Variants in GOLGA1 observed in about 807,000 individuals in gnomAD.
GOLGA1 encodes the protein golgin A1, also known as golgin subfamily A member 1.
A neutral mutation model predicts 119.7 loss-of-function variants in GOLGA1; 63 were observed. The ratio of observed to expected loss-of-function variants is 0.53; its 90% CI spans 0.43 to 0.65. The LOEUF (loss-of-function observed/expected upper bound fraction) is 0.65. GOLGA1 is among the 30% of genes least tolerant of loss of function. The pLI, the probability that GOLGA1 is intolerant of heterozygous loss-of-function variation, is 0.00. For synonymous variants in GOLGA1, 318 were observed against 333.4 expected, an observed-to-expected ratio of 0.95 and a Z score of 0.50; for missense variants, 798 against 912.8, an observed-to-expected ratio of 0.87 and a Z score of 1.62.
rs1341842277 is a variant in GOLGA1, at chr9:124,882,533, G to T, written c.1942C>A (p.Arg648=). 1 of 1,612,632 alleles carries T rather than the reference G, an allele frequency of 6.2e-7. No individual in the cohort carries two copies. Among genetic ancestry groups the T allele is most frequent in the Non-Finnish European group, 8.5e-7 (1 of 1,179,656 alleles). ...KQMQQRMLEL[R]KTLQKELKIR... ...ACCAGCTCCTTCTGCAGAGTCTTCC[G>T]GAGCTCCAGCATCCGCTGCTGCATC... The change falls in exon 20 of 23, where the codon CGG becomes AGG. Residue 648 remains arginine, a synonymous_variant. Transcript: ENST00000373555.
At chr9:124,894,800 C>T (rs1470935900) in intron 15 of GOLGA1, among the ~76,000 whole-genome samples, 1 of 152,174 alleles carries the variant, frequency 6.6e-6, no homozygotes, top group Non-Finnish European at 1.5e-5. Context: ...GGGGCTGCTA[C>T]TGACATCTAG....
At chr9:124,916,766 T>C (rs1446658924) in intron 10 of GOLGA1, among the ~76,000 whole-genome samples, 1 of 149,256 alleles carries the variant, frequency 6.7e-6, no homozygotes, top group Non-Finnish European at 1.5e-5. Context: ...GTCCCAGATA[T>C]ATGGGAGGCT....
chr9:124,933,260 G>C (rs1180583161), intron 3 of GOLGA1, among the ~76,000 whole-genome samples: 1 of 152,092 alleles, frequency 6.6e-6, no homozygotes, highest in Non-Finnish European at 1.5e-5. Flanking sequence ...TCCTTAGAAA[G>C]GCCTGCTTTT....
chr9:124,897,120 T>C (rs584279), intron 15 of GOLGA1, among the ~76,000 whole-genome samples: 149,635 of 152,280 alleles, frequency 0.98, 73,570 homozygotes, highest in East Asian at 1. Context: ...CTAGAATATT[T>C]CTCCTCAAAT....
At chr9:124,884,340 A>G (rs1219398478) in intron 19 of GOLGA1, among the ~76,000 whole-genome samples, 2 of 152,206 alleles carry the variant, frequency 1.3e-5, no homozygotes, top group African/African-American at 4.8e-5. Context: ...AAAGTCTCTG[A>G]ATGGTAATAT....
intron 12 of GOLGA1, among the ~76,000 whole-genome samples, chr9:124,901,950 G>C (rs967787791): frequency 3.3e-5 from 5 of 152,218 alleles, no homozygotes; most frequent in African/African-American, 1.2e-4. Flanking sequence ...AGTGCCGTGA[G>C]TGGGACAGAT....
At chr9:124,897,145 C>T (rs966444515) in intron 15 of GOLGA1, among the ~76,000 whole-genome samples, 39 of 152,218 alleles carry the variant, frequency 2.6e-4, no homozygotes, top group African/African-American at 8.7e-4. Flanking sequence ...ACATTGTAGG[C>T]CCTTCTGCCA....
At chr9:124,905,407 A>G (rs1312358249) in intron 12 of GOLGA1, among the ~76,000 whole-genome samples, 1 of 152,158 alleles carries the variant, frequency 6.6e-6, no homozygotes, top group Non-Finnish European at 1.5e-5. Flanking sequence ...GGTTGCAGTG[A>G]GCCGAGATCA....
At chr9:124,936,894 G>C (rs1445098802) in intron 3 of GOLGA1, among the ~76,000 whole-genome samples, 1 of 152,090 alleles carries the variant, frequency 6.6e-6, no homozygotes, top group Non-Finnish European at 1.5e-5. Flanking sequence ...AAAACAAGCA[G>C]TATTAAATAA....
intron 12 of GOLGA1, 144 bp downstream of exon 12, chr9:124,908,233 C>G: frequency 1.6e-6 from 1 of 626,472 alleles, no homozygotes; most frequent in Non-Finnish European, 2.9e-6. Context: ...AAGAAAATGA[C>G]TAACTCATCC....
In GOLGA1 at chr9:124,938,629, G is replaced by C. The variant is rs1830929008; in HGVS notation, c.83C>G (p.Ser28Cys). 1 of 1,613,416 alleles carries C rather than the reference G, an allele frequency of 6.2e-7. No homozygotes were observed. Among genetic ancestry groups the C allele is most frequent in the Non-Finnish European group, 8.5e-7 (1 of 1,179,400 alleles). ...RPGGATRIPR[S>C]VSKESVASMG... ...TGAGGCAACTGATTCCTTGCTCACA[G>C]ACCGTGGGATCCTAGTAGCACCTCC... Residue 28 changes from serine (S) to cysteine (C), a missense_variant, in exon 3 of 23, where the codon TCT (serine) becomes TGT (cysteine). Coordinates refer to ENST00000373555, the MANE Select transcript of GOLGA1 (RefSeq NM_002077.4).
rs371029519 is a variant in GOLGA1 at position 124,931,432 on chromosome 9, C to T, written c.136-26G>A. Reference sequence around the variant, plus strand: ...CTGTTGAGGTAGACACAAGGAAGGTCGTATTCATATATGTGTGAGACCACA... The same window carrying T: ...CTGTTGAGGTAGACACAAGGAAGGTTGTATTCATATATGTGTGAGACCACA... On this transcript the variant is annotated intron_variant, in intron 3 of 22. Transcript: ENST00000373555. The T allele has an allele frequency of 1.9e-5, 22 of 1,133,638 alleles. No homozygotes were observed. The African/African-American group carries it at 2.1e-4, about 11-fold the overall frequency. 70.2% of individuals were successfully genotyped at this position (1,133,638 alleles called of 1,614,324 possible).
intron 15 of GOLGA1, among the ~76,000 whole-genome samples, chr9:124,896,415 A>G (rs1198267554): frequency 2.6e-5 from 4 of 152,232 alleles, no homozygotes; most frequent in Non-Finnish European, 5.9e-5. Flanking sequence ...TCCGTCTCAC[A>G]TACAAAAAAC....
At chr9:124,933,020 T>TA (rs1485887128) in intron 3 of GOLGA1, among the ~76,000 whole-genome samples, 2 of 152,064 alleles carry the variant, frequency 1.3e-5, no homozygotes, top group African/African-American at 2.4e-5. Flanking sequence ...ACCACACCAC[T>TA]AGCAGTATAA....
chr9:124,914,838 C>T lies in GOLGA1; in HGVS notation c.844-2812G>A, dbSNP rs1018742926. ...ATCTGAATTCAAGAGGTATAGATGA[C>T]CCATTCCAGTTAAAACCAAAACAAC... On this transcript the variant is annotated intron_variant, in intron 10 of 22. Transcript: ENST00000373555. Among the ~76,000 whole-genome samples the T allele has an allele frequency of 2.0e-5, 3 of 152,344 alleles. No homozygotes were observed. In the East Asian group the frequency reaches 5.8e-4, roughly 29 times the overall value.
intron 4 of GOLGA1, among the ~76,000 whole-genome samples, chr9:124,929,934 G>C (rs540958704): frequency 6.6e-6 from 1 of 152,086 alleles, no homozygotes; most frequent in Non-Finnish European, 1.5e-5. Context: ...CTTAGCTGGG[G>C]ACCTTAAGCA....
chr9:124,896,183 G>A (rs753175043), intron 15 of GOLGA1, among the ~76,000 whole-genome samples: 7 of 152,144 alleles, frequency 4.6e-5, no homozygotes, highest in Non-Finnish European at 7.3e-5. Context: ...GGAGGCCAAC[G>A]CAGGTGGATC....
intron 3 of GOLGA1, among the ~76,000 whole-genome samples, chr9:124,931,798 G>A (rs988242477): frequency 4.6e-5 from 7 of 152,136 alleles, no homozygotes; most frequent in Non-Finnish European, 8.8e-5. Flanking sequence ...CTATGACTAC[G>A]AATCTTTCAC....
chr9:124,884,391 C>T (rs1450150690), intron 19 of GOLGA1, among the ~76,000 whole-genome samples: 1 of 152,208 alleles, frequency 6.6e-6, no homozygotes, highest in Non-Finnish European at 1.5e-5. Context: ...TCCACATCCC[C>T]ATTCTTGCAC....
Sources: gnomAD v4.1 joint callset for allele counts (sites outside exome capture counted in the v4.1 genomes callset) on GRCh38, gnomAD v4.1.1 for gene constraint, MANE v1.5 for transcripts, NCBI Gene and HGNC (gene_info 2026-07-23, HGNC 2026-07-21) for gene names.